The following RPH3A variants were observed in gnomAD, a reference collection of about 807,000 sequenced individuals.
The protein encoded by RPH3A is rabphilin-3A.
A neutral mutation model predicts 102.2 loss-of-function variants in RPH3A; 48 were observed. The ratio of observed to expected loss-of-function variants is 0.47; its 90% CI spans 0.37 to 0.60. The LOEUF (loss-of-function observed/expected upper bound fraction) is 0.60, where lower values mean the gene tolerates loss of function less well. Among genes scored for constraint, RPH3A ranks in the 20% least tolerant of loss-of-function variants. RPH3A has a pLI of 0.00. For synonymous variants in RPH3A, 310 were observed against 324.3 expected, an observed-to-expected ratio of 0.96 and a Z score of 0.47; for missense variants, 781 against 910.1, an observed-to-expected ratio of 0.86 and a Z score of 1.83.
chr12:112,746,439 C>T (rs978458193), intron 1 of RPH3A, among the ~76,000 whole-genome samples: 1 of 152,050 alleles, frequency 6.6e-6, no homozygotes, highest in East Asian at 1.9e-4. Context: ...CCACCCTGCC[C>T]TCCATCACTC....
At chr12:112,823,910 T>C (rs1222318469) in intron 2 of RPH3A, among the ~76,000 whole-genome samples, 2 of 152,200 alleles carry the variant, frequency 1.3e-5, no homozygotes, top group African/African-American at 2.4e-5. Flanking sequence ...AGGAGAACAT[T>C]TTAGGATCAC....
chr12:112,612,559 C>CTTTTT (rs1007489149), intron 1 of RPH3A, among the ~76,000 whole-genome samples: 2 of 109,708 alleles, frequency 1.8e-5, no homozygotes, highest in Non-Finnish European at 1.8e-5. Flanking sequence ...GGAGTTTTGC[C>CTTTTT]TTTTTTTTTT....
At chr12:112,875,013 G>T in intron 10 of RPH3A, 71 bp from the exon 11 acceptor site, 1 of 1,353,352 alleles carries the variant, frequency 7.4e-7, no homozygotes, top group Non-Finnish European at 1.0e-6. Flanking sequence ...CAGCTGAGTG[G>T]TCCCAAGCTC....
chr12:112,818,044 G>A (rs1409515316), intron 2 of RPH3A, among the ~76,000 whole-genome samples: 1 of 152,204 alleles, frequency 6.6e-6, no homozygotes. Context: ...CGGGCATGGT[G>A]GCTCACGCCT....
At chr12:112,661,083 G>C (rs1464909068) in intron 1 of RPH3A, among the ~76,000 whole-genome samples, 2 of 152,114 alleles carry the variant, frequency 1.3e-5, no homozygotes, top group Non-Finnish European at 2.9e-5. Flanking sequence ...GCCTACCTCA[G>C]AGGGTTCGTG....
Position 112,591,105 on chromosome 12 carries a change from A to G in RPH3A, c.-140+15786A>G, listed in dbSNP as rs1372301007. 2.6e-5 allele frequency among the ~76,000 whole-genome samples: 4 copies of G among 151,868 alleles called. No homozygotes were observed. The East Asian group carries it at 7.7e-4, about 29-fold the overall frequency. ...GTAGCTGGTACCACAGGTGTATGCC[A>G]CCACACCCAGATAATTAATTTTTGA... On this transcript the variant is annotated intron_variant, in intron 1 of 21. Transcript: ENST00000543106.
In RPH3A at chr12:112,712,904, C is replaced by CTTCT. The variant is rs2040475211; in HGVS notation, c.-139-79238_-139-79237insTCTT. Among the ~76,000 whole-genome samples, 22 of 92,540 alleles carry CTTCT rather than the reference C, an allele frequency of 2.4e-4. 2 individuals are homozygous for CTTCT. Among genetic ancestry groups the CTTCT allele is most frequent in the African/African-American group, 8.8e-4 (16 of 18,118 alleles). 60.7% of individuals were successfully genotyped at this position (92,540 alleles called of 152,430 possible). ...TTTCTTCTTCTTCTTCTTCTTCTTCCTCTTCTTCTTCTTCTTCTTCCTCTT... is the reference window on the plus strand; with the variant it reads ...TTTCTTCTTCTTCTTCTTCTTCTTCCTTCTTCTTCTTCTTCTTCTTCTTCCTCTT... On this transcript the variant is annotated intron_variant, in intron 1 of 21. Coordinates refer to the RPH3A transcript ENST00000543106.
chr12:112,653,181 A>G (rs2039987770), intron 1 of RPH3A, among the ~76,000 whole-genome samples: 1 of 152,064 alleles, frequency 6.6e-6, no homozygotes, highest in Admixed American at 6.6e-5. Context: ...ACTTGAGGTC[A>G]GGAGTTCGAG....
chr12:112,743,931 C>T (rs933962107), intron 1 of RPH3A, among the ~76,000 whole-genome samples: 1 of 152,172 alleles, frequency 6.6e-6, no homozygotes, highest in Admixed American at 6.6e-5. Flanking sequence ...CGCTTTCACC[C>T]TCAGGCTCTG....
At chr12:112,662,301 C>T (rs1414383431) in intron 1 of RPH3A, among the ~76,000 whole-genome samples, 1 of 152,166 alleles carries the variant, frequency 6.6e-6, no homozygotes, top group Non-Finnish European at 1.5e-5. Flanking sequence ...AGTCTAACTC[C>T]AAAGAAACAC....
intron 1 of RPH3A, among the ~76,000 whole-genome samples, chr12:112,761,869 A>G (rs924289360): frequency 6.6e-6 from 1 of 152,150 alleles, no homozygotes; most frequent in South Asian, 2.1e-4. Flanking sequence ...TACTTTTCTC[A>G]TTCCACCTAT....
Position 112,678,281 on chromosome 12 carries a change from GAAAGAA to G in RPH3A, c.-140+102964_-140+102969del, listed in dbSNP as rs1477045739. Reference sequence around the variant, plus strand: ...AGAAAGAAAGAAAGAAAGAAAGAAAGAAAGAAAGAAAGAAAGAAAGAAAGAGAGAGA... The same window carrying G: ...AGAAAGAAAGAAAGAAAGAAAGAAAGAGAAAGAAAGAAAGAAAGAGAGAGA... On this transcript the variant is annotated intron_variant, in intron 1 of 21. Coordinates refer to the RPH3A transcript ENST00000543106. Among the ~76,000 whole-genome samples the G allele has an allele frequency of 1.6e-3, 122 of 75,484 alleles. 9 individuals are homozygous for G. The highest frequency in any genetic ancestry group is 7.8e-3 in the African/African-American group (107 of 13,652). 49.5% of individuals were successfully genotyped at this position (75,484 alleles called of 152,430 possible).
chr12:112,739,270 AT>A (rs1264716238), intron 1 of RPH3A, among the ~76,000 whole-genome samples: 2 of 152,010 alleles, frequency 1.3e-5, no homozygotes, highest in African/African-American at 2.4e-5. Flanking sequence ...AATTAGGTCT[AT>A]TTTTTTTGAA....
intron 3 of RPH3A, among the ~76,000 whole-genome samples, chr12:112,829,400 A>T (rs2041932438): frequency 6.6e-6 from 1 of 151,046 alleles, no homozygotes. Flanking sequence ...CCTCCTGAGT[A>T]GCTTGGACTA....
intron 1 of RPH3A, among the ~76,000 whole-genome samples, chr12:112,762,983 T>A (rs1157298156): frequency 6.6e-6 from 1 of 152,168 alleles, no homozygotes; most frequent in Non-Finnish European, 1.5e-5. Context: ...GGGTCAAAGG[T>A]CATTCCCCAA....
intron 4 of RPH3A, among the ~76,000 whole-genome samples, chr12:112,837,102 G>A (rs2136170263): frequency 6.6e-6 from 1 of 152,282 alleles, no homozygotes; most frequent in South Asian, 2.1e-4. Flanking sequence ...CTGCAAAGCA[G>A]CCCCATCTTC....
chr12:112,602,037 A>C (rs2039562748), intron 1 of RPH3A, among the ~76,000 whole-genome samples: 1 of 152,220 alleles, frequency 6.6e-6, no homozygotes, highest in South Asian at 2.1e-4. Flanking sequence ...CCCTCTGCAG[A>C]GGCAGAGGTG....
chr12:112,839,528 C>T (rs1276616706), intron 4 of RPH3A, among the ~76,000 whole-genome samples: 1 of 152,120 alleles, frequency 6.6e-6, no homozygotes, highest in East Asian at 1.9e-4. Context: ...GCCTCACCTT[C>T]CAACAGGATA....
chr12:112,729,122 T>C (rs1191333320), intron 1 of RPH3A, among the ~76,000 whole-genome samples: 1 of 151,964 alleles, frequency 6.6e-6, no homozygotes, highest in East Asian at 1.9e-4. Context: ...CAGTCTTAGT[T>C]GGTCTGATTA....
Sources: allele counts gnomAD v4.1 joint callset (sites outside exome capture counted in the v4.1 genomes callset), GRCh38; gene constraint gnomAD v4.1.1; transcripts MANE v1.5; gene names NCBI Gene and HGNC (gene_info 2026-07-23, HGNC 2026-07-21).